ITSN2: variants seen among roughly 807,000 people sequenced by gnomAD.
ITSN2 encodes intersectin 2, also known as intersectin-2.
In ITSN2, 156 loss-of-function variants were observed where a neutral mutation model predicts 243.7. The observed-to-expected ratio is 0.64, with a 90% CI of 0.56 to 0.73. ITSN2 has a LOEUF of 0.73. ITSN2 is among the 30% of genes least tolerant of loss of function. The pLI is 0.00. For missense variants in ITSN2, 1,801 were observed against 1,996.1 expected, an observed-to-expected ratio of 0.90 and a Z score of 1.86; for synonymous variants, 703 against 699.9, an observed-to-expected ratio of 1.00 and a Z score of -0.07.
At chr2:24,299,768 G>A (rs1489528729) in intron 12 of ITSN2, 141 bp downstream of exon 12, 3 of 716,570 alleles carry the variant, frequency 4.2e-6, no homozygotes, top group African/African-American at 3.6e-5. Context: ...GGAATGATCA[G>A]ATTTGTATAG....
chr2:24,219,768 G>T (rs980393981), intron 30 of ITSN2, among the ~76,000 whole-genome samples: 18 of 152,208 alleles, frequency 1.2e-4, no homozygotes, highest in African/African-American at 4.3e-4. Context: ...CCTACTTACA[G>T]TGCCTTAGGA....
chr2:24,247,431 T>A (rs898701295), intron 27 of ITSN2, among the ~76,000 whole-genome samples: 1 of 152,190 alleles, frequency 6.6e-6, no homozygotes, highest in Non-Finnish European at 1.5e-5. Context: ...TTCATTGCAA[T>A]AAACTGCAAC....
chr2:24,205,068 A>G, intron 38 of ITSN2, 146 bp downstream of exon 38: 1 of 608,672 alleles, frequency 1.6e-6, no homozygotes. Flanking sequence ...AATCACTTGT[A>G]CCCCAGAGGC....
rs532184084 is a variant in ITSN2, at chr2:24,304,875, TCTTA to T, written c.794-1017_794-1014del. 5.6e-4 allele frequency among the ~76,000 whole-genome samples: 85 copies of T among 152,290 alleles called. 1 individual carries two copies. In the South Asian group the frequency reaches 0.017, roughly 31 times the overall value. ...AGGGCCATAGAGAGCCAACAGAGTA[TCTTA>T]CTTACTAAGTAAAACTCATTTGAAC... On this transcript the variant is annotated intron_variant, in intron 8 of 39. Transcript: ENST00000355123.
At chr2:24,326,527 T>C in intron 2 of ITSN2, 1 of 167,164 alleles carries the variant, frequency 6.0e-6, no homozygotes. Flanking sequence ...AGCATGTTAC[T>C]ACTACAATCA....
intron 5 of ITSN2, among the ~76,000 whole-genome samples, chr2:24,311,025 G>A (rs1333656016): frequency 1.3e-5 from 2 of 152,000 alleles, no homozygotes; most frequent in Non-Finnish European, 2.9e-5. Context: ...AGGTTTTTGT[G>A]AAAGGATAAT....
chr2:24,244,365 A>G (rs944432208), intron 29 of ITSN2, among the ~76,000 whole-genome samples: 22 of 152,212 alleles, frequency 1.4e-4, no homozygotes, highest in Non-Finnish European at 2.8e-4. Flanking sequence ...GGGGAAAGGT[A>G]TAAGACCTGG....
At chr2:24,303,071 C>T (rs1681993403) in intron 9 of ITSN2, among the ~76,000 whole-genome samples, 1 of 152,162 alleles carries the variant, frequency 6.6e-6, no homozygotes, top group African/African-American at 2.4e-5. Context: ...ACAGTACATA[C>T]ACTCAATAAC....
intron 12 of ITSN2, 123 bp from the exon 13 acceptor site, chr2:24,298,937 T>G (rs1192976630): frequency 1.4e-6 from 1 of 734,308 alleles, no homozygotes; most frequent in Non-Finnish European, 2.1e-6. Flanking sequence ...TGCCTAAGGG[T>G]AGCTAGGCAA....
intron 37 of ITSN2, among the ~76,000 whole-genome samples, chr2:24,207,443 G>C (rs1669012881): frequency 1.3e-5 from 2 of 152,126 alleles, no homozygotes; most frequent in South Asian, 4.1e-4. Context: ...GTGTGATGTG[G>C]GAGCAGCGGG....
At chr2:24,347,538 T>C (rs772133739) in intron 1 of ITSN2, among the ~76,000 whole-genome samples, 1 of 152,012 alleles carries the variant, frequency 6.6e-6, no homozygotes, top group Non-Finnish European at 1.5e-5. Context: ...AATACAAAAT[T>C]AGCCATGCGT....
At chr2:24,326,390 C>A (rs541058317) in intron 2 of ITSN2, among the ~76,000 whole-genome samples, 1 of 152,174 alleles carries the variant, frequency 6.6e-6, no homozygotes, top group East Asian at 1.9e-4. Flanking sequence ...TAAAGAAGGA[C>A]CGGGACTGTA....
intron 11 of ITSN2, 106 bp from the exon 12 acceptor site, chr2:24,300,277 A>G: frequency 1.0e-6 from 1 of 975,188 alleles, no homozygotes; most frequent in South Asian, 1.9e-5. Flanking sequence ...TGCTATCAGT[A>G]TTTGAATACT....
chr2:24,289,020 A>T (rs1461115969), intron 15 of ITSN2, among the ~76,000 whole-genome samples: 1 of 152,180 alleles, frequency 6.6e-6, no homozygotes. Context: ...TCTGATTACT[A>T]TAGCTTCATA....
chr2:24,335,574 A>AG (rs772717372), intron 1 of ITSN2, among the ~76,000 whole-genome samples: 17 of 151,412 alleles, frequency 1.1e-4, no homozygotes, highest in Non-Finnish European at 2.2e-4. Flanking sequence ...GCTCAAGTGA[A>AG]CCTCCCACCT....
chr2:24,286,394 G>A lies in ITSN2; in HGVS notation c.1724-43C>T, dbSNP rs201565667. The A allele has an allele frequency of 1.1e-4, 179 of 1,569,404 alleles. 1 individual carries two copies. In the East Asian group the frequency reaches 3.0e-3, roughly 26 times the overall value. ...GACAGTTTACATTTTGCAGAAGTTCGTATGTCATTACCAGCATGTCATTTA... is the reference window on the plus strand; with the variant it reads ...GACAGTTTACATTTTGCAGAAGTTCATATGTCATTACCAGCATGTCATTTA... On this transcript the variant is annotated intron_variant, in intron 15 of 39. Coordinates refer to ENST00000355123, the MANE Select transcript of ITSN2 (RefSeq NM_006277.3).
At position 24,208,324 on chromosome 2, in the gene ITSN2, G is replaced by A. The variant is rs375901227; in HGVS notation, c.4596-5C>T. 8.3e-5 allele frequency: 134 copies of A among 1,610,568 alleles called. 1 individual carries two copies. Among genetic ancestry groups the A allele is most frequent in the Non-Finnish European group, 1.1e-4 (125 of 1,179,054 alleles). On this transcript the variant is annotated splice_polypyrimidine_tract_variant and splice_region_variant and intron_variant, in intron 36 of 39. Coordinates refer to ENST00000355123, the MANE Select transcript of ITSN2 (RefSeq NM_006277.3). ...ATCTTCTGCACCCAGGCGGTCCTACGGGAGAAGCAGGGGCAGCCGTTGGCC... is the reference window on the plus strand; with the variant it reads ...ATCTTCTGCACCCAGGCGGTCCTACAGGAGAAGCAGGGGCAGCCGTTGGCC...
rs774362427 is a variant in ITSN2, at chr2:24,210,904, A to C, written c.4133T>G (p.Leu1378Arg). ...TPESHADHSS[L>R]KLALERAEEL... ...CTCTGCCCGCTCGAGGGCCAGCTTT[A>C]GGGAGGAATGGTCTGCATGGCTCTC... The change falls in exon 34 of 40, where the codon CTA (leucine) becomes CGA (arginine). Residue 1378 changes from leucine (L) to arginine (R), a missense_variant. Physicochemically the swap from Leu to Arg is moderately radical, Grantham distance 102. Transcript: ENST00000355123. 40 of 1,614,058 alleles carry C rather than the reference A, an allele frequency of 2.5e-5. No homozygotes were observed. Among genetic ancestry groups the C allele is most frequent in the Non-Finnish European group, 3.0e-5 (35 of 1,180,036 alleles).
rs1356578206 is a variant in ITSN2, at chr2:24,246,891, G to A, written c.3291C>T (p.Ala1097=). ...ATCCTTTCTGTCGCTTTTTTCCTCT[G>A]GCCTAAAAATTAGCAAAAGAAATAC... ...TSGWWQGELQ[A]RGKKRQKGWF... is the part of the protein sequence containing the mutation. Residue 1097 remains alanine, a splice_region_variant and synonymous_variant, in exon 28 of 40, where the codon GCC becomes GCT. Transcript: ENST00000355123. 3.1e-6 allele frequency: 5 copies of A among 1,604,934 alleles called. No individual in the cohort carries two copies. Among genetic ancestry groups the A allele is most frequent in the Non-Finnish European group, 4.3e-6 (5 of 1,174,588 alleles).
Sources: allele counts gnomAD v4.1 joint callset (sites outside exome capture counted in the v4.1 genomes callset), GRCh38; gene constraint gnomAD v4.1.1; transcripts MANE v1.5; gene names NCBI Gene and HGNC (gene_info 2026-07-23, HGNC 2026-07-21).